ABCG1: variants seen among roughly 807,000 people sequenced by gnomAD.
ABCG1 encodes ATP-binding cassette sub-family G member 1.
A neutral mutation model predicts 69.2 loss-of-function variants in ABCG1; 29 were observed. The ratio of observed to expected loss-of-function variants is 0.42; its 90% CI spans 0.31 to 0.57. The LOEUF is 0.57. Ranked by LOEUF, ABCG1 falls within the 20% of genes least tolerant of loss-of-function variation. ABCG1 has a pLI of 0.15. For synonymous variants in ABCG1, 370 were observed against 374.8 expected (o/e 0.99, Z 0.15); for missense variants, 718 against 898.1 (o/e 0.80, Z 2.56).
At chr21:42,226,024 C>T (rs1196587787) in intron 2 of ABCG1, 110 bp downstream of exon 2, 37 of 1,276,688 alleles carry the variant, frequency 2.9e-5, no homozygotes, top group Non-Finnish European at 3.9e-5. Context: ...AGCTTCTCTT[C>T]CCAACGCCGT....
intron 2 of ABCG1, among the ~76,000 whole-genome samples, chr21:42,264,995 C>T (rs558225307): frequency 6.6e-6 from 1 of 152,304 alleles, no homozygotes; most frequent in Admixed American, 6.5e-5. Context: ...CTCTTGGGCC[C>T]TTTGGCTGAG....
intron 2 of ABCG1, among the ~76,000 whole-genome samples, chr21:42,210,959 C>CTTCT (rs772743532): frequency 5.1e-5 from 7 of 137,382 alleles, no homozygotes; most frequent in African/African-American, 1.9e-4. Flanking sequence ...TTTCTTTCTT[C>CTTCT]TTTTTTTTTT....
rs2069051677 is a variant in ABCG1 at position 42,291,226 on chromosome 21, G to A, written c.1494+34G>A. 6.5e-7 allele frequency: 1 copy of A among 1,538,880 alleles called. No homozygotes were observed. Among genetic ancestry groups the A allele is most frequent in the Admixed American group, 1.7e-5 (1 of 59,010 alleles). The stretch of plus-strand genomic sequence containing the variant: ...GCCAGGGGCTGGAATTTGAAACGGG[G>A]GCAAGAGTTCTCCTGTACACCCTTT... On this transcript the variant is annotated intron_variant, in intron 12 of 14. Transcript: ENST00000398449. The surrounding 1 kb of genome is among the most constrained non-coding windows in gnomAD (Gnocchi z 6.4).
chr21:42,217,165 C>T (rs965469260), upstream of ABCG1, among the ~76,000 whole-genome samples: 1 of 152,124 alleles, frequency 6.6e-6, no homozygotes, highest in African/African-American at 2.4e-5. Flanking sequence ...CGGCTGAAGC[C>T]AATTGCCTAT....
chr21:42,278,792 A>G (rs8131852), intron 5 of ABCG1, among the ~76,000 whole-genome samples: 36,999 of 152,044 alleles, frequency 0.24, 4,912 homozygotes, highest in African/African-American at 0.34. Context: ...GTCTCGGCGA[A>G]GTCTCCCATG....
intron 3 of ABCG1, among the ~76,000 whole-genome samples, chr21:42,271,745 C>T (rs943258433): frequency 2.0e-5 from 3 of 151,984 alleles, no homozygotes; most frequent in East Asian, 1.9e-4. Context: ...ATTAGCTGGG[C>T]GTGGTGGCAG....
intron 2 of ABCG1, among the ~76,000 whole-genome samples, chr21:42,209,745 T>G (rs1184861879): frequency 1.3e-5 from 2 of 152,224 alleles, no homozygotes; most frequent in Non-Finnish European, 2.9e-5. Context: ...CACCAGCATT[T>G]ATAAGATGCA....
At chr21:42,283,527 G>A (rs1276839111) in intron 6 of ABCG1, among the ~76,000 whole-genome samples, 1 of 152,198 alleles carries the variant, frequency 6.6e-6, no homozygotes, top group Non-Finnish European at 1.5e-5. Flanking sequence ...GCTGCAGCAA[G>A]GCCACCTTCT....
chr21:42,279,829 G>A (rs891702877), intron 5 of ABCG1, among the ~76,000 whole-genome samples: 2 of 152,240 alleles, frequency 1.3e-5, no homozygotes, highest in South Asian at 2.1e-4. Context: ...TGGCATCTTG[G>A]TGGAGAATGG....
chr21:42,221,831 C>T (rs1246507012), intron 1 of ABCG1, among the ~76,000 whole-genome samples: 1 of 152,158 alleles, frequency 6.6e-6, no homozygotes, highest in Non-Finnish European at 1.5e-5. Context: ...TCTCTGTGTT[C>T]CTGGTGGAAA....
chr21:42,221,471 G>A (rs1465252350), intron 1 of ABCG1, among the ~76,000 whole-genome samples: 1 of 152,142 alleles, frequency 6.6e-6, no homozygotes, highest in Non-Finnish European at 1.5e-5. Flanking sequence ...GCACTCGGGG[G>A]AACATGCTGG....
At position 42,288,338 on chromosome 21, in the gene ABCG1, T is replaced by G. The variant is rs1239862736; in HGVS notation, c.1224+26T>G. Reference sequence around the variant, plus strand: ...GTAAGGCTGCCCGCATCTTCTCCTGTAGCTGGGGAACCCGTGGGTCATTTT... The same window carrying G: ...GTAAGGCTGCCCGCATCTTCTCCTGGAGCTGGGGAACCCGTGGGTCATTTT... On this transcript the variant is annotated intron_variant, in intron 10 of 14. Transcript: ENST00000398449. This position sits in a 1 kb window ranked among gnomAD's most constrained non-coding sequence, Gnocchi z 4.8. 6.5e-7 allele frequency: 1 copy of G among 1,547,186 alleles called. No individual in the cohort carries two copies. Among genetic ancestry groups the G allele is most frequent in the East Asian group, 2.3e-5 (1 of 44,290 alleles).
chr21:42,285,196 G>T (rs60438922), intron 7 of ABCG1, among the ~76,000 whole-genome samples: 1 of 152,024 alleles, frequency 6.6e-6, no homozygotes, highest in African/African-American at 2.4e-5. Context: ...GTATCATTTG[G>T]TTTATAAATC....
In ABCG1 at chr21:42,291,583, C is replaced by T. The variant is rs775332325; in HGVS notation, c.1580C>T (p.Ala527Val). The stretch of plus-strand genomic sequence containing the variant: ...GCCGTGCGCTTTGTGCTGTTTGCCG[C>T]GCTGGGCACCATGACCTCCCTGGTG... ...SDAVRFVLFA[A>V]LGTMTSLVAQ... Residue 527 changes from alanine to valine, a missense_variant, in exon 13 of 15, where the codon GCG (alanine) becomes GTG (valine). Physicochemically the swap from Ala to Val is moderately conservative, Grantham distance 64. This residue lies in a region of ABCG1 where 204 missense variants were observed against 323.8 expected (regional missense o/e 0.63). Coordinates refer to ENST00000398449, the MANE Select transcript of ABCG1 (RefSeq NM_016818.3). The surrounding 1 kb of genome is among the most constrained non-coding windows in gnomAD (Gnocchi z 6.4). The T allele has an allele frequency of 2.5e-6, 4 of 1,612,506 alleles. No homozygotes were observed. Among genetic ancestry groups the T allele is most frequent in the South Asian group, 2.2e-5 (2 of 91,084 alleles).
At chr21:42,286,538 G>T (rs924264537) in intron 8 of ABCG1, among the ~76,000 whole-genome samples, 9 of 152,252 alleles carry the variant, frequency 5.9e-5, no homozygotes, top group African/African-American at 1.9e-4. Context: ...AGGCTGTGAT[G>T]GAGAGGAGAC....
intron 2 of ABCG1, among the ~76,000 whole-genome samples, chr21:42,253,083 T>C (rs537982494): frequency 6.6e-6 from 1 of 152,238 alleles, no homozygotes; most frequent in East Asian, 1.9e-4. Flanking sequence ...CAGGATGCAG[T>C]GGGCGAGGTG....
chr21:42,288,386 G>A lies in ABCG1; in HGVS notation c.1224+74G>A. 8.9e-7 allele frequency: 1 copy of A among 1,128,550 alleles called. No individual in the cohort carries two copies. Among genetic ancestry groups the A allele is most frequent in the Non-Finnish European group, 1.3e-6 (1 of 761,982 alleles). The allele number at this position is 1,128,550 out of a possible 1,614,324, so 69.9% of individuals were successfully genotyped here. On this transcript the variant is annotated intron_variant, in intron 10 of 14. Coordinates refer to ENST00000398449, the MANE Select transcript of ABCG1 (RefSeq NM_016818.3). This position sits in a 1 kb window ranked among gnomAD's most constrained non-coding sequence, Gnocchi z 4.8. ...TTTCTCAGACTCGTCCTGACGGAAT[G>A]TGTTCGTTCATTCTCACATTGCTAT...
At chr21:42,205,432 C>T (rs1163607291) in intron 2 of ABCG1, among the ~76,000 whole-genome samples, 1 of 151,980 alleles carries the variant, frequency 6.6e-6, no homozygotes. Context: ...AAACCTGTCT[C>T]TACTAAAAAT....
intron 13 of ABCG1, among the ~76,000 whole-genome samples, chr21:42,293,133 CTA>C (rs1491384862): frequency 7.2e-6 from 1 of 138,404 alleles, no homozygotes; most frequent in Non-Finnish European, 1.5e-5. Flanking sequence ...ACACCACACA[CTA>C]CACACTACAC....
Sources: gnomAD v4.1 joint callset for allele counts (sites outside exome capture counted in the v4.1 genomes callset) on GRCh38, gnomAD v4.1.1 for gene constraint, gnomAD v4.1.1 regional missense constraint, Gnocchi (gnomAD v3.1) non-coding constraint, MANE v1.5 for transcripts, NCBI Gene and HGNC (gene_info 2026-07-23, HGNC 2026-07-21) for gene names.